PTPRG: variants seen among roughly 807,000 people sequenced by gnomAD.
PTPRG encodes receptor-type tyrosine-protein phosphatase gamma.
Under a neutral mutation model 165.3 loss-of-function variants are expected in PTPRG, and 102 were observed. The ratio of observed to expected loss-of-function variants is 0.62; its 90% CI spans 0.53 to 0.73. The LOEUF (loss-of-function observed/expected upper bound fraction) is 0.73, where lower values mean the gene tolerates loss of function less well. Ranked by LOEUF, PTPRG falls within the 30% of genes least tolerant of loss-of-function variation. The probability of loss-of-function intolerance (pLI) is 0.00; values close to 1 mark genes in which losing one functional copy is unlikely to be tolerated. For synonymous variants in PTPRG, 675 were observed against 669.5 expected, an observed-to-expected ratio of 1.01 and a Z score of -0.13; for missense variants, 1,866 against 1,861.4, an observed-to-expected ratio of 1.00 and a Z score of -0.05.
chr3:62,055,840 G>T (rs1700615257), intron 4 of PTPRG, among the ~76,000 whole-genome samples: 1 of 152,158 alleles, frequency 6.6e-6, no homozygotes, highest in African/African-American at 2.4e-5. Flanking sequence ...AGTCATATTG[G>T]ATTGGGATTC....
At chr3:61,595,704 T>C (rs1700685248) in intron 1 of PTPRG, among the ~76,000 whole-genome samples, 2 of 152,356 alleles carry the variant, frequency 1.3e-5, no homozygotes, top group East Asian at 1.9e-4. Context: ...CATGTAAAAC[T>C]GGGTTGGGGT....
At chr3:61,608,674 T>C (rs1701081251) in intron 1 of PTPRG, among the ~76,000 whole-genome samples, 1 of 152,156 alleles carries the variant, frequency 6.6e-6, no homozygotes, top group African/African-American at 2.4e-5. Context: ...CTCCCATTTG[T>C]GTGAAACAAT....
intron 2 of PTPRG, among the ~76,000 whole-genome samples, chr3:61,977,506 T>C (rs2040537691): frequency 6.6e-6 from 1 of 152,230 alleles, no homozygotes; most frequent in South Asian, 2.1e-4. Flanking sequence ...CTTGTAATTT[T>C]TGTGTATATA....
intron 1 of PTPRG, among the ~76,000 whole-genome samples, chr3:61,678,155 A>G (rs971330152): frequency 1.6e-4 from 24 of 152,300 alleles, no homozygotes; most frequent in African/African-American, 4.8e-4. Flanking sequence ...TAAGCAAACC[A>G]AAGGCATGCG....
intron 4 of PTPRG, among the ~76,000 whole-genome samples, chr3:62,066,994 C>T (rs527513346): frequency 1.6e-4 from 23 of 145,172 alleles, no homozygotes; most frequent in Admixed American, 1.3e-3. Context: ...GCCGAGATCA[C>T]GCCACTGCAC....
chr3:61,677,659 A>G (rs1703278803), intron 1 of PTPRG, among the ~76,000 whole-genome samples: 2 of 152,188 alleles, frequency 1.3e-5, no homozygotes, highest in African/African-American at 2.4e-5. Context: ...GTGCTGCAAT[A>G]GCTAAATTTT....
Position 62,191,622 on chromosome 3 carries a change from A to C in PTPRG, c.1187A>C (p.Lys396Thr). The C allele has an allele frequency of 6.2e-7, 1 of 1,614,172 alleles. No individual in the cohort carries two copies. Among genetic ancestry groups the C allele is most frequent in the African/African-American group, 1.3e-5 (1 of 75,042 alleles). The change falls in exon 9 of 30, where the codon AAG becomes ACG. Residue 396 changes from lysine (K) to threonine (T), a missense_variant. By Grantham distance (78) the Lys-to-Thr change is moderately conservative (BLOSUM62 -1). Around this residue, in one of 3 missense-constraint regions of PTPRG, gnomAD observed 1,452 missense variants for 1,463.0 expected, o/e 0.99. Coordinates refer to ENST00000474889, the MANE Select transcript of PTPRG (RefSeq NM_002841.4). ...SWTKNEDEKE[K>T]TFTKDSDKDL... ...ACCAAGAATGAGGACGAGAAGGAGA[A>C]GACGTTTACAAAGGACAGCGACAAA...
chr3:61,770,712 A>T (rs1026053170), intron 2 of PTPRG: 1 of 152,224 alleles, frequency 6.6e-6, no homozygotes, highest in African/African-American at 2.4e-5. Flanking sequence ...TATCTGGGTT[A>T]GAATTTTATC....
chr3:61,983,615 C>G (rs890058325), intron 2 of PTPRG, among the ~76,000 whole-genome samples: 14 of 152,034 alleles, frequency 9.2e-5, no homozygotes, highest in African/African-American at 3.1e-4. Context: ...TTATTTTCAG[C>G]AAAGAACCTC....
At chr3:62,250,442 G>A (rs1701385808) in intron 15 of PTPRG, among the ~76,000 whole-genome samples, 2 of 152,174 alleles carry the variant, frequency 1.3e-5, no homozygotes. Flanking sequence ...GCTCCTCCCT[G>A]TGGTGTATGT....
At chr3:62,023,246 G>T (rs1330860825) in intron 4 of PTPRG, among the ~76,000 whole-genome samples, 1 of 152,060 alleles carries the variant, frequency 6.6e-6, no homozygotes, top group African/African-American at 2.4e-5. Flanking sequence ...AGATATTGTG[G>T]TTGTCTCCCA....
chr3:61,825,084 TC>T (rs1370595324), intron 2 of PTPRG, among the ~76,000 whole-genome samples: 1 of 152,150 alleles, frequency 6.6e-6, no homozygotes, highest in African/African-American at 2.4e-5. Flanking sequence ...GACTCCTTTC[TC>T]CTCTAGGGGT....
At chr3:61,944,260 C>A (rs1224721185) in intron 2 of PTPRG, among the ~76,000 whole-genome samples, 1 of 152,186 alleles carries the variant, frequency 6.6e-6, no homozygotes, top group Non-Finnish European at 1.5e-5. Context: ...TGCAGAACCA[C>A]CCTGGCTGAG....
chr3:61,741,725 A>G (rs775630878), intron 1 of PTPRG, among the ~76,000 whole-genome samples: 2 of 152,170 alleles, frequency 1.3e-5, no homozygotes, highest in South Asian at 4.1e-4. Flanking sequence ...GGCTGGTTCA[A>G]TACAGTCAGA....
chr3:61,768,880 CTG>C (rs2034119254), intron 2 of PTPRG, among the ~76,000 whole-genome samples: 1 of 152,112 alleles, frequency 6.6e-6, no homozygotes, highest in African/African-American at 2.4e-5. Context: ...TTTATGAGGG[CTG>C]TGCTGCTGTT....
rs1576206979 is a variant in PTPRG at position 62,273,173 on chromosome 3, T to C, written c.3318+92T>C. On this transcript the variant is annotated intron_variant, in intron 22 of 29. Coordinates refer to ENST00000474889, the MANE Select transcript of PTPRG (RefSeq NM_002841.4). The surrounding 1 kb of genome is among the most constrained non-coding windows in gnomAD (Gnocchi z 4.1). ...ATAATGAAGAGACAGATTCATTCTT[T>C]TAGGGCTTGCAGTAATTTACAGGTT... is the stretch of plus-strand genomic sequence containing the variant. 1.5e-6 allele frequency: 2 copies of C among 1,352,752 alleles called. No homozygotes were observed. Among genetic ancestry groups the C allele is most frequent in the South Asian group, 3.1e-5 (2 of 63,492 alleles). The allele number at this position is 1,352,752 out of a possible 1,614,324, so 83.8% of individuals were successfully genotyped here. A position where few individuals can be genotyped will look rare whatever the true frequency, so the allele number is the denominator to read the frequency against.
At chr3:61,680,145 G>C (rs1193338951) in intron 1 of PTPRG, among the ~76,000 whole-genome samples, 1 of 152,080 alleles carries the variant, frequency 6.6e-6, no homozygotes, top group Non-Finnish European at 1.5e-5. Context: ...GACCCAAAAC[G>C]GGCAACCCAA....
chr3:62,147,485 C>G (rs1002058339), intron 6 of PTPRG, among the ~76,000 whole-genome samples: 1 of 152,188 alleles, frequency 6.6e-6, no homozygotes, highest in Non-Finnish European at 1.5e-5. Flanking sequence ...CTGCGACTCT[C>G]ATGTCTTCAT....
chr3:61,755,987 G>T (rs1455379598), intron 2 of PTPRG, among the ~76,000 whole-genome samples: 3 of 152,122 alleles, frequency 2.0e-5, no homozygotes, highest in Non-Finnish European at 4.4e-5. Flanking sequence ...TATCACTGGG[G>T]ATTTGAGAAT....
Sources: gnomAD v4.1 joint callset for allele counts (sites outside exome capture counted in the v4.1 genomes callset) on GRCh38, gnomAD v4.1.1 for gene constraint, gnomAD v4.1.1 regional missense constraint, Gnocchi (gnomAD v3.1) non-coding constraint, MANE v1.5 for transcripts, NCBI Gene and HGNC (gene_info 2026-07-23, HGNC 2026-07-21) for gene names.